The following GLIS3 variants were observed in gnomAD, a reference collection of about 807,000 sequenced individuals.
GLIS3 encodes the protein zinc finger protein GLIS3.
A neutral mutation model predicts 78.6 loss-of-function variants in GLIS3; 53 were observed. The ratio of observed to expected loss-of-function variants is 0.67; its 90% confidence interval spans 0.54 to 0.85. The LOEUF (loss-of-function observed/expected upper bound fraction) is 0.85, where lower values mean the gene tolerates loss of function less well. Ranked by LOEUF, GLIS3 falls within the 40% of genes least tolerant of loss-of-function variation. The pLI is 0.00. For missense variants in GLIS3, 1,703 were observed against 1,231.1 expected (o/e 1.38, Z -5.74); for synonymous variants, 684 against 509.9 (o/e 1.34, Z -4.60).
chr9:4,139,850 C>T (rs1833676568), intron 2 of GLIS3, among the ~76,000 whole-genome samples: 1 of 152,200 alleles, frequency 6.6e-6, no homozygotes, highest in African/African-American at 2.4e-5. Flanking sequence ...GAAGCTTGGG[C>T]TGTAATGCCC....
Position 3,919,748 on chromosome 9 carries a change from G to A in GLIS3, c.1983+12612C>T, listed in dbSNP as rs556234006. Among the ~76,000 whole-genome samples, 87 of 151,934 alleles carry A rather than the reference G, an allele frequency of 5.7e-4. 1 individual carries two copies. The highest frequency in any genetic ancestry group is 3.1e-3 in the South Asian group (15 of 4,798). ...TACTATTGGCTCAGTTACCAAGAAAGGGGCTTGAAGAATTTTGGAAAAGAT... is the reference window on the plus strand; with the variant it reads ...TACTATTGGCTCAGTTACCAAGAAAAGGGCTTGAAGAATTTTGGAAAAGAT... On this transcript the variant is annotated intron_variant, in intron 6 of 10. Coordinates refer to ENST00000381971, the MANE Select transcript of GLIS3 (RefSeq NM_001042413.2).
At chr9:4,117,024 C>G (rs1831702093) in intron 4 of GLIS3, among the ~76,000 whole-genome samples, 1 of 152,120 alleles carries the variant, frequency 6.6e-6, no homozygotes, top group African/African-American at 2.4e-5. Flanking sequence ...TGCCAAGAAA[C>G]AGAGAGAGTT....
chr9:4,467,110 G>C, the GLIS3 span, among the ~76,000 whole-genome samples: 8 of 152,346 alleles, frequency 5.3e-5, no homozygotes, highest in African/African-American at 9.6e-5. Context: ...GCTGACGCTT[G>C]AGCAGGTAAA....
chr9:4,415,493 T>G, the GLIS3 span, among the ~76,000 whole-genome samples: 1 of 152,268 alleles, frequency 6.6e-6, no homozygotes, highest in Non-Finnish European at 1.5e-5. Context: ...AGAGGCATTT[T>G]GTTTAGGGCA....
At chr9:4,193,839 C>G (rs899572122) in intron 2 of GLIS3, among the ~76,000 whole-genome samples, 8 of 152,220 alleles carry the variant, frequency 5.3e-5, no homozygotes, top group Admixed American at 3.9e-4. Flanking sequence ...ACATTATACA[C>G]TAAAATCAAT....
chr9:4,381,855 G>T, the GLIS3 span, among the ~76,000 whole-genome samples: 131,755 of 152,236 alleles, frequency 0.87, 57,292 homozygotes, highest in Non-Finnish European at 0.9. Flanking sequence ...TCTGCTGTTG[G>T]TTCTGGAAGT....
At chr9:4,357,195 G>A in the GLIS3 span, among the ~76,000 whole-genome samples, 1 of 152,168 alleles carries the variant, frequency 6.6e-6, no homozygotes, top group African/African-American at 2.4e-5. Flanking sequence ...GTTACAAGGT[G>A]CCCAGAAGTT....
intron 8 of GLIS3, among the ~76,000 whole-genome samples, chr9:3,859,955 G>A (rs967252061): frequency 1.3e-5 from 2 of 152,112 alleles, no homozygotes; most frequent in African/African-American, 4.8e-5. Flanking sequence ...GAAAGGGAAG[G>A]GGAACAGATT....
chr9:4,434,356 G>T, the GLIS3 span, among the ~76,000 whole-genome samples: 1 of 152,216 alleles, frequency 6.6e-6, no homozygotes, highest in East Asian at 1.9e-4. Flanking sequence ...TTTATTTTAT[G>T]ACAGTATGTC....
chr9:4,335,247 A>G (rs946966114), intron 2 of GLIS3, among the ~76,000 whole-genome samples: 2 of 152,132 alleles, frequency 1.3e-5, no homozygotes, highest in Non-Finnish European at 2.9e-5. Context: ...TAGTGCCATA[A>G]TTGAAACAAA....
chr9:4,367,633 CAAAAAAA>C, the GLIS3 span, among the ~76,000 whole-genome samples: 5 of 62,000 alleles, frequency 8.1e-5, no homozygotes, highest in African/African-American at 2.3e-4. Flanking sequence ...GACTCCATCT[CAAAAAAA>C]AAAAAAAAAA....
chr9:3,956,413 A>C (rs1045369817), intron 4 of GLIS3, among the ~76,000 whole-genome samples: 1 of 152,214 alleles, frequency 6.6e-6, no homozygotes, highest in South Asian at 2.1e-4. Context: ...AAGCCTTCAG[A>C]TCACCATGGA....
chr9:3,882,497 G>C (rs1365393960), intron 7 of GLIS3, among the ~76,000 whole-genome samples: 1 of 151,976 alleles, frequency 6.6e-6, no homozygotes, highest in Non-Finnish European at 1.5e-5. Context: ...GGCTGCATTA[G>C]CAAAGGCCAC....
chr9:4,096,840 C>T (rs570180088), intron 4 of GLIS3, among the ~76,000 whole-genome samples: 42 of 152,034 alleles, frequency 2.8e-4, no homozygotes, highest in Middle Eastern at 3.4e-3. Context: ...GGCAAAATTC[C>T]GTCTCTACTA....
At chr9:3,862,765 G>A (rs774613332) in intron 8 of GLIS3, among the ~76,000 whole-genome samples, 4 of 152,000 alleles carry the variant, frequency 2.6e-5, no homozygotes, top group African/African-American at 4.8e-5. Flanking sequence ...TCCGCCCCCC[G>A]TCTCTTCCAC....
At chr9:3,860,616 A>G (rs1177992346) in intron 8 of GLIS3, among the ~76,000 whole-genome samples, 1 of 152,184 alleles carries the variant, frequency 6.6e-6, no homozygotes, top group Non-Finnish European at 1.5e-5. Context: ...GGAGAAGCAG[A>G]TGGGCAAAGG....
chr9:4,323,864 C>A (rs942871418), intron 2 of GLIS3, among the ~76,000 whole-genome samples: 9 of 152,220 alleles, frequency 5.9e-5, no homozygotes, highest in African/African-American at 2.2e-4. Context: ...AAGCATTTAT[C>A]TCTACTATTC....
the GLIS3 span, among the ~76,000 whole-genome samples, chr9:4,366,869 A>C: frequency 1.3e-5 from 2 of 152,160 alleles, no homozygotes; most frequent in African/African-American, 4.8e-5. Flanking sequence ...TTGTCAGGAG[A>C]CAATGGGCCA....
chr9:4,419,653 G>A, the GLIS3 span, among the ~76,000 whole-genome samples: 4 of 142,490 alleles, frequency 2.8e-5, no homozygotes. Context: ...GGTGGTCCAC[G>A]CCTGTAGTCC....
Sources: gnomAD v4.1 joint callset for allele counts (sites outside exome capture counted in the v4.1 genomes callset) on GRCh38, gnomAD v4.1.1 for gene constraint, MANE v1.5 for transcripts, NCBI Gene and HGNC (gene_info 2026-07-23, HGNC 2026-07-21) for gene names.